ETAA1: variants seen among roughly 807,000 people sequenced by gnomAD.
ETAA1 encodes ewing's tumor-associated antigen 1.
ETAA1 carries 49 observed loss-of-function variants against 76.8 expected under a neutral mutation model. The ratio of observed to expected loss-of-function variants is 0.64; its 90% CI spans 0.51 to 0.81. The LOEUF (loss-of-function observed/expected upper bound fraction) is 0.81. Among genes scored for constraint, ETAA1 ranks in the 30% least tolerant of loss-of-function variants. The pLI is 0.00. For missense variants in ETAA1, 1,099 were observed against 1,074.0 expected, an observed-to-expected ratio of 1.02 and a Z score of -0.32; for synonymous variants, 373 against 372.2, an observed-to-expected ratio of 1.00 and a Z score of -0.03.
In ETAA1 at chr2:67,410,810, G is replaced by T. The variant is rs1488231211; in HGVS notation, c.*772G>T. On this transcript the variant is annotated 3_prime_UTR_variant, in exon 6 of 6. Coordinates refer to ENST00000272342, the MANE Select transcript of ETAA1 (RefSeq NM_019002.4). The stretch of plus-strand genomic sequence containing the variant: ...TCAAAGTCATAGGCAAGTTAATGCT[G>T]TGCTACAATTAGAATGATTTATTTG... The T allele has an allele frequency of 6.6e-6, 1 of 152,048 alleles. No individual in the cohort carries two copies. The highest frequency in any genetic ancestry group is 1.5e-5 in the Non-Finnish European group (1 of 67,972). 9.4% of individuals were successfully genotyped at this position (152,048 alleles called of 1,614,324 possible). A position where few individuals can be genotyped will look rare whatever the true frequency, so the allele number is the denominator to read the frequency against.
chr2:67,407,575 C>T (rs1433385781), intron 5 of ETAA1, among the ~76,000 whole-genome samples: 1 of 151,968 alleles, frequency 6.6e-6, no homozygotes, highest in Non-Finnish European at 1.5e-5. Context: ...GATTTGCAGT[C>T]GAAAGTCTGT....
Position 67,399,343 on chromosome 2 carries a change from T to C in ETAA1, c.352+46T>C, listed in dbSNP as rs200287867. 9 of 1,521,662 alleles carry C rather than the reference T, an allele frequency of 5.9e-6. No individual in the cohort carries two copies. In the African/African-American group the frequency reaches 1.3e-4, roughly 21 times the overall value. 94.3% of individuals were successfully genotyped at this position (1,521,662 alleles called of 1,614,324 possible). On this transcript the variant is annotated intron_variant, in intron 2 of 5. Transcript: ENST00000272342. The stretch of plus-strand genomic sequence containing the variant: ...TTTATGTGAGTAAATATTTGATAAA[T>C]GATTCAGATTTAACTAGAATTCTAG...
At chr2:67,407,437 ATAATTT>A (rs1676250489) in intron 5 of ETAA1, among the ~76,000 whole-genome samples, 1 of 152,078 alleles carries the variant, frequency 6.6e-6, no homozygotes, top group South Asian at 2.1e-4. Flanking sequence ...TCAATCTATA[ATAATTT>A]TAAGTATTTA....
rs993516848 is a variant in ETAA1 at position 67,405,439 on chromosome 2, T to C, written c.2653+104T>C. 7.7e-6 allele frequency: 6 copies of C among 779,504 alleles called. No homozygotes were observed. The African/African-American group carries it at 1.1e-4, about 14-fold the overall frequency. The allele number at this position is 779,504 out of a possible 1,614,324, so 48.3% of individuals were successfully genotyped here. ...GTGAGTAATGTATAAGGTAAAACTA[T>C]TCTATGACTAGTTAATTTTAAGAAT... is the stretch of plus-strand genomic sequence containing the variant. On this transcript the variant is annotated intron_variant, in intron 5 of 5. Transcript: ENST00000272342.
chr2:67,411,478 CTTATA>C lies in ETAA1; in HGVS notation c.*1444_*1448del, dbSNP rs1676367290. 2 of 152,078 alleles carry C rather than the reference CTTATA, an allele frequency of 1.3e-5. No individual in the cohort carries two copies. The highest frequency in any genetic ancestry group is 4.8e-5 in the African/African-American group (2 of 41,424). 9.4% of individuals were successfully genotyped at this position (152,078 alleles called of 1,614,324 possible). On this transcript the variant is annotated 3_prime_UTR_variant, in exon 6 of 6. Transcript: ENST00000272342. ...GCCTACCTTAAACATGCTCAAATCACTTATATTAGCCTAGAGTTGGGCACATCATC... is the reference window on the plus strand; with the variant it reads ...GCCTACCTTAAACATGCTCAAATCACTTAGCCTAGAGTTGGGCACATCATC...
chr2:67,398,340 G>A (rs1307435063), intron 1 of ETAA1, among the ~76,000 whole-genome samples: 1 of 72,418 alleles, frequency 1.4e-5, no homozygotes, highest in Non-Finnish European at 2.8e-5. Context: ...TACCTTACGT[G>A]TCTTTTTTCT....
Position 67,404,181 on chromosome 2 carries a change from C to T in ETAA1, c.1499C>T (p.Thr500Ile), listed in dbSNP as rs1399632015. The T allele has an allele frequency of 5.6e-6, 9 of 1,608,124 alleles. No individual in the cohort carries two copies. The highest frequency in any genetic ancestry group is 3.3e-5 in the South Asian group (3 of 90,490). ...GACGAAATTCAAAATTGTATAGTTA[C>T]ATCTAATCTGACAAAAATAAAGGAA... is the stretch of plus-strand genomic sequence containing the variant. ...IQDEIQNCIV[T>I]SNLTKIKEDI... The change falls in exon 5 of 6, where the codon ACA becomes ATA. Residue 500 changes from threonine (T) to isoleucine (I), a missense_variant. By Grantham distance (89) the Thr-to-Ile change is moderately conservative. Transcript: ENST00000272342.
chr2:67,405,295 T>C lies in ETAA1; in HGVS notation c.2613T>C (p.Ser871=), dbSNP rs267599423. 6.4e-7 allele frequency: 1 copy of C among 1,561,480 alleles called. No homozygotes were observed. Among genetic ancestry groups the C allele is most frequent in the Non-Finnish European group, 8.6e-7 (1 of 1,157,632 alleles). The change falls in exon 5 of 6, where the codon TCT becomes TCC. Residue 871 remains serine, a synonymous_variant. Coordinates refer to ENST00000272342, the MANE Select transcript of ETAA1 (RefSeq NM_019002.4). The stretch of plus-strand genomic sequence containing the variant: ...TGGAGGAAGCTGTTGGACAGCAATC[T>C]TTGGTGAAACTTTCTGAATCTTTGA... ...PLLEEAVGQQ[S]LVKLSESLKQ...
intron 5 of ETAA1, among the ~76,000 whole-genome samples, chr2:67,409,299 TC>T (rs528691960): frequency 5.3e-4 from 81 of 152,134 alleles, no homozygotes; most frequent in Admixed American, 1.2e-3. Context: ...TTTTAAAGTT[TC>T]TCCAAAATGC....
rs1387686064 is a variant in ETAA1, at chr2:67,397,687, C to T, written c.223+16C>T. On this transcript the variant is annotated intron_variant, in intron 1 of 5. Coordinates refer to ENST00000272342, the MANE Select transcript of ETAA1 (RefSeq NM_019002.4). ...AACCCCGAGGGTGAGACGTCGGCAG[C>T]GCGGCCTGCCTTGGCTTCGGCGCCG... 3.2e-6 allele frequency: 5 copies of T among 1,543,762 alleles called. No homozygotes were observed. Among genetic ancestry groups the T allele is most frequent in the Non-Finnish European group, 4.4e-6 (5 of 1,146,162 alleles).
At chr2:67,406,744 A>G (rs987365603) in intron 5 of ETAA1, among the ~76,000 whole-genome samples, 2 of 151,998 alleles carry the variant, frequency 1.3e-5, no homozygotes, top group African/African-American at 2.4e-5. Flanking sequence ...GTGTATGCAT[A>G]TATATATACC....
chr2:67,405,050 T>C lies in ETAA1; in HGVS notation c.2368T>C (p.Tyr790His), dbSNP rs149978877. 2.8e-5 allele frequency: 45 copies of C among 1,611,586 alleles called. No homozygotes were observed. The African/African-American group carries it at 5.5e-4, about 20-fold the overall frequency. Residue 790 changes from tyrosine to histidine, a missense_variant, in exon 5 of 6, where the codon TAT becomes CAT. Transcript: ENST00000272342. ...TCATATGAATACAGAAATTACTACT[T>C]ATAAGAAGAAATTGAGTACTAATCA... Reference protein sequence around the residue: ...SDHMNTEITTYKKKLSTNQPC... With the variant: ...SDHMNTEITTHKKKLSTNQPC...
Position 67,399,301 on chromosome 2 carries a change from A to G in ETAA1, c.352+4A>G. 2 of 1,599,936 alleles carry G rather than the reference A, an allele frequency of 1.3e-6. No homozygotes were observed. Among genetic ancestry groups the G allele is most frequent in the Non-Finnish European group, 1.7e-6 (2 of 1,173,280 alleles). ...TCTCCATTGACAAAGCAGTTAGGTA[A>G]TTAATTATTAACATTTTTTATGTGA... On this transcript the variant is annotated splice_donor_region_variant and intron_variant, in intron 2 of 5. Transcript: ENST00000272342.
Position 67,404,005 on chromosome 2 carries a change from A to G in ETAA1, c.1323A>G (p.Ser441=), listed in dbSNP as rs1676130779. The G allele has an allele frequency of 1.2e-6, 2 of 1,608,024 alleles. No homozygotes were observed. The highest frequency in any genetic ancestry group is 1.7e-6 in the Non-Finnish European group (2 of 1,177,880). Reference sequence around the variant, plus strand: ...GTCCAGATGCCAGGTTAGGAGATTCAAAAGTATTACAAGATCTTTCTTCAA... The same window carrying G: ...GTCCAGATGCCAGGTTAGGAGATTCGAAAGTATTACAAGATCTTTCTTCAA... ...NTSPDARLGD[S]KVLQDLSSKT... The change falls in exon 5 of 6, where the codon TCA becomes TCG. Residue 441 remains serine, a synonymous_variant. Transcript: ENST00000272342.
intron 3 of ETAA1, chr2:67,400,485 C>T (rs892988848): frequency 6.6e-6 from 1 of 151,648 alleles, no homozygotes; most frequent in Non-Finnish European, 1.5e-5. Context: ...CATTTCTGTT[C>T]TTTTATTGTT....
chr2:67,399,260 C>A lies in ETAA1; in HGVS notation c.315C>A (p.Ile105=), dbSNP rs573345443. ...ATGATCCAGATGGACAGAATGATAT[C>A]TTTTGGGATCAGAATTCTCCATTGA... ...SPNDPDGQND[I]FWDQNSPLTK... Residue 105 remains isoleucine (I), a synonymous_variant, in exon 2 of 6, where the codon ATC becomes ATA. Transcript: ENST00000272342. 33 of 1,613,194 alleles carry A rather than the reference C, an allele frequency of 2.0e-5. No individual in the cohort carries two copies. The South Asian group carries it at 3.4e-4, about 17-fold the overall frequency.
In ETAA1 at chr2:67,410,169, TAATA is replaced by T; in HGVS notation, c.*135_*138del. Reference sequence around the variant, plus strand: ...ATAAAGCCTGGACTTCTACTTTATTTAATAAATCAATGTTTGCAATGGTAAATGA... The same window carrying T: ...ATAAAGCCTGGACTTCTACTTTATTTAATCAATGTTTGCAATGGTAAATGA... On this transcript the variant is annotated 3_prime_UTR_variant, in exon 6 of 6. Transcript: ENST00000272342. 3.7e-6 allele frequency: 3 copies of T among 803,450 alleles called. No individual in the cohort carries two copies. The highest frequency in any genetic ancestry group is 6.0e-6 in the Non-Finnish European group (3 of 497,798). The allele number at this position is 803,450 out of a possible 1,614,324, so 49.8% of individuals were successfully genotyped here. A position where few individuals can be genotyped will look rare whatever the true frequency, so the allele number is the denominator to read the frequency against.
Position 67,405,012 on chromosome 2 carries a change from A to G in ETAA1, c.2330A>G (p.Asn777Ser). 1.2e-6 allele frequency: 2 copies of G among 1,611,774 alleles called. No homozygotes were observed. The highest frequency in any genetic ancestry group is 1.7e-6 in the Non-Finnish European group (2 of 1,178,682). Residue 777 changes from asparagine to serine, a missense_variant, in exon 5 of 6, where the codon AAT becomes AGT. This residue lies in a region of ETAA1 where 302 missense variants were observed against 278.1 expected (regional missense o/e 1.09). Transcript: ENST00000272342. ...GTTCTTCCAGGAAGTTCAAGTTTGA[A>G]TGTAACTTCAGATCATATGAATACA... ...KLVLPGSSSL[N>S]VTSDHMNTEI...
Position 67,403,619 on chromosome 2 carries a change from T to G in ETAA1, c.937T>G (p.Phe313Val). 6.2e-7 allele frequency: 1 copy of G among 1,613,310 alleles called. No individual in the cohort carries two copies. Among genetic ancestry groups the G allele is most frequent in the Non-Finnish European group, 8.5e-7 (1 of 1,179,420 alleles). ...EAFWSTSNTT[F>V]VKTNALKEEK... ...TTTTTGGAGCACCAGTAATACTACC[T>G]TTGTAAAGACAAATGCTTTGAAAGA... Residue 313 changes from phenylalanine to valine, a missense_variant, in exon 5 of 6, where the codon TTT becomes GTT. Physicochemically the swap from Phe to Val is conservative, Grantham distance 50. This residue lies in a region of ETAA1 where 761 missense variants were observed against 731.9 expected (regional missense o/e 1.04). Transcript: ENST00000272342.
Sources: gnomAD v4.1 joint callset for allele counts (sites outside exome capture counted in the v4.1 genomes callset) on GRCh38, gnomAD v4.1.1 for gene constraint, gnomAD v4.1.1 regional missense constraint, MANE v1.5 for transcripts, NCBI Gene and HGNC (gene_info 2026-07-23, HGNC 2026-07-21) for gene names.